The following EML6 variants were observed in gnomAD, a reference collection of about 807,000 sequenced individuals.
The protein encoded by EML6 is echinoderm microtubule-associated protein-like 6.
Under a neutral mutation model 240.1 loss-of-function variants are expected in EML6, and 154 were observed. The ratio of observed to expected loss-of-function variants is 0.64; its 90% CI spans 0.56 to 0.73. The LOEUF (loss-of-function observed/expected upper bound fraction) is 0.73, where lower values mean the gene tolerates loss of function less well. EML6 is among the 30% of genes least tolerant of loss of function. The pLI is 0.00. For synonymous variants in EML6, 1,148 were observed against 899.0 expected, an observed-to-expected ratio of 1.28 and a Z score of -4.95; for missense variants, 2,964 against 2,474.6, an observed-to-expected ratio of 1.20 and a Z score of -4.20.
intron 5 of EML6, among the ~76,000 whole-genome samples, chr2:54,823,281 T>G (rs1395501865): frequency 6.6e-6 from 1 of 151,798 alleles, no homozygotes; most frequent in Non-Finnish European, 1.5e-5. Flanking sequence ...AGTGGGTGGG[T>G]GAGTTTGGTA....
At position 54,725,336 on chromosome 2, in the gene EML6, G is replaced by A. The variant is rs1682863880; in HGVS notation, c.197+78G>A. The A allele has an allele frequency of 1.8e-6, 2 of 1,100,834 alleles. No homozygotes were observed. Among genetic ancestry groups the A allele is most frequent in the South Asian group, 1.9e-5 (1 of 52,488 alleles). The allele number at this position is 1,100,834 out of a possible 1,614,324, so 68.2% of individuals were successfully genotyped here. A position where few individuals can be genotyped will look rare whatever the true frequency, so the allele number is the denominator to read the frequency against. On this transcript the variant is annotated intron_variant, in intron 2 of 41. Coordinates refer to ENST00000356458, the MANE Select transcript of EML6 (RefSeq NM_001039753.4). This position sits in a 1 kb window ranked among gnomAD's most constrained non-coding sequence, Gnocchi z 4.3. ...GGTGGGAAGCGGTTGACCTGGGGTC[G>A]GATCCGGGAGCCCCGTGGAATAGAG...
chr2:54,840,245 C>T (rs771955302), intron 7 of EML6, among the ~76,000 whole-genome samples: 1 of 152,156 alleles, frequency 6.6e-6, no homozygotes, highest in East Asian at 1.9e-4. Context: ...TTCATGCTTA[C>T]AGTGAAGCCA....
At chr2:54,805,281 T>G (rs1408398189) in intron 2 of EML6, among the ~76,000 whole-genome samples, 2 of 152,216 alleles carry the variant, frequency 1.3e-5, no homozygotes, top group East Asian at 3.8e-4. Flanking sequence ...TGCAAGTCTT[T>G]GTTTAGACAT....
chr2:54,865,963 GCAT>G (rs1670949654), intron 13 of EML6, among the ~76,000 whole-genome samples: 1 of 152,046 alleles, frequency 6.6e-6, no homozygotes, highest in Non-Finnish European at 1.5e-5. Flanking sequence ...GCTGATGAAA[GCAT>G]CATGAATTAA....
chr2:54,824,396 C>T (rs144342014), intron 5 of EML6, among the ~76,000 whole-genome samples: 1 of 152,242 alleles, frequency 6.6e-6, no homozygotes, highest in Non-Finnish European at 1.5e-5. Flanking sequence ...AAATATAATA[C>T]ATTTAAGCGG....
rs1399359097 is a variant in EML6, at chr2:54,928,698, A to G, written c.3951A>G (p.Glu1317=). 2 of 1,551,732 alleles carry G rather than the reference A, an allele frequency of 1.3e-6. No individual in the cohort carries two copies. The highest frequency in any genetic ancestry group is 8.7e-7 in the Non-Finnish European group (1 of 1,147,000). Residue 1317 remains glutamate, a synonymous_variant, in exon 28 of 42, where the codon GAA becomes GAG. Coordinates refer to ENST00000356458, the MANE Select transcript of EML6 (RefSeq NM_001039753.4). ...TTKIYAVSIR[E]MEGTKPHQQL... Reference sequence around the variant, plus strand: ...AGATTTATGCTGTGAGCATCAGGGAAATGGAAGGCACCAAGCCACACCAGC... The same window carrying G: ...AGATTTATGCTGTGAGCATCAGGGAGATGGAAGGCACCAAGCCACACCAGC...
intron 22 of EML6, among the ~76,000 whole-genome samples, chr2:54,900,344 T>C (rs925415465): frequency 6.6e-6 from 1 of 152,196 alleles, no homozygotes; most frequent in Non-Finnish European, 1.5e-5. Flanking sequence ...AGACAGGACT[T>C]GAACAGAGTC....
intron 6 of EML6, 30 bp from the exon 7 acceptor site, chr2:54,829,312 C>T: frequency 6.5e-7 from 1 of 1,546,568 alleles, no homozygotes; most frequent in African/African-American, 1.4e-5. Flanking sequence ...GATGGTTGCA[C>T]CATTGAGTAT....
chr2:54,933,392 A>G (rs1674962554), intron 28 of EML6, among the ~76,000 whole-genome samples: 2 of 152,094 alleles, frequency 1.3e-5, no homozygotes, highest in Non-Finnish European at 2.9e-5. Flanking sequence ...ATTACAGTTC[A>G]CCCTTTTCTT....
chr2:54,960,288 A>C lies in EML6; in HGVS notation c.4922A>C (p.Glu1641Ala). 1.3e-6 allele frequency: 2 copies of C among 1,551,402 alleles called. No homozygotes were observed. Among genetic ancestry groups the C allele is most frequent in the Non-Finnish European group, 1.7e-6 (2 of 1,146,898 alleles). Residue 1641 changes from glutamate to alanine, a missense_variant, in exon 35 of 42, where the codon GAG (glutamate) becomes GCG (alanine). Glu to Ala is a moderately radical substitution (Grantham distance 107). Coordinates refer to ENST00000356458, the MANE Select transcript of EML6 (RefSeq NM_001039753.4). ...AAGCGCTGCCGGGCCTTTCAGCTGGAGACCGGGCAGCTGGTGGAGTGTGTG... is the reference window on the plus strand; with the variant it reads ...AAGCGCTGCCGGGCCTTTCAGCTGGCGACCGGGCAGCTGGTGGAGTGTGTG... ...EMKRCRAFQL[E>A]TGQLVECVRS...
intron 5 of EML6, among the ~76,000 whole-genome samples, chr2:54,826,565 A>C (rs113285061): frequency 0.011 from 1,645 of 152,196 alleles, 19 homozygotes; most frequent in African/African-American, 0.033. Context: ...GGGCCACTGC[A>C]CTCCACCCTG....
At chr2:54,801,440 T>C (rs953134678) in intron 2 of EML6, among the ~76,000 whole-genome samples, 3 of 152,216 alleles carry the variant, frequency 2.0e-5, no homozygotes, top group Non-Finnish European at 4.4e-5. Flanking sequence ...CTTACATGAA[T>C]TAACCATCTC....
chr2:54,761,292 T>C (rs984628587), intron 2 of EML6, among the ~76,000 whole-genome samples: 13 of 152,096 alleles, frequency 8.5e-5, no homozygotes, highest in Non-Finnish European at 1.2e-4. Context: ...TAATAAACAA[T>C]ACGCTTTGTT....
intron 2 of EML6, among the ~76,000 whole-genome samples, chr2:54,751,836 G>A (rs2103708604): frequency 6.6e-6 from 1 of 152,240 alleles, no homozygotes; most frequent in South Asian, 2.1e-4. Flanking sequence ...TGAAAACTGA[G>A]GCAGTTAGAG....
At chr2:54,923,608 A>G (rs1674382478) in intron 26 of EML6, among the ~76,000 whole-genome samples, 1 of 152,194 alleles carries the variant, frequency 6.6e-6, no homozygotes, top group Non-Finnish European at 1.5e-5. Flanking sequence ...ATTACTATCT[A>G]GAGTTCAAGA....
chr2:54,922,026 G>C (rs1250614326), intron 26 of EML6, among the ~76,000 whole-genome samples: 2 of 152,100 alleles, frequency 1.3e-5, no homozygotes, highest in Non-Finnish European at 2.9e-5. Flanking sequence ...TGATTTCTTG[G>C]ATGTAACAGC....
At chr2:54,840,036 A>G (rs1239035640) in intron 7 of EML6, among the ~76,000 whole-genome samples, 1 of 152,232 alleles carries the variant, frequency 6.6e-6, no homozygotes, top group Non-Finnish European at 1.5e-5. Context: ...AAAGTAGATT[A>G]TTTAGTTTTT....
chr2:54,819,340 A>G (rs1001591361), intron 4 of EML6, among the ~76,000 whole-genome samples: 1 of 152,176 alleles, frequency 6.6e-6, no homozygotes, highest in African/African-American at 2.4e-5. Context: ...AGACCCACTA[A>G]ATGAGAGCAT....
intron 26 of EML6, among the ~76,000 whole-genome samples, chr2:54,924,168 A>G (rs1221368558): frequency 6.6e-6 from 1 of 152,228 alleles, no homozygotes; most frequent in Non-Finnish European, 1.5e-5. Flanking sequence ...AAAAATATAT[A>G]TAACATTTTA....
Sources: gnomAD v4.1 joint callset for allele counts (sites outside exome capture counted in the v4.1 genomes callset) on GRCh38, gnomAD v4.1.1 for gene constraint, Gnocchi (gnomAD v3.1) non-coding constraint, MANE v1.5 for transcripts, NCBI Gene and HGNC (gene_info 2026-07-23, HGNC 2026-07-21) for gene names.